Variants in HDAC6 observed in about 807,000 individuals in gnomAD.
HDAC6 encodes histone deacetylase 6.
In HDAC6, 5 loss-of-function variants were observed where a neutral mutation model predicts 88.9. The observed-to-expected ratio is 0.06, with a 90% confidence interval of 0.03 to 0.12. The LOEUF (loss-of-function observed/expected upper bound fraction) is 0.12. Among genes scored for constraint, HDAC6 ranks in the 10% least tolerant of loss-of-function variants. The pLI is 1.00. For synonymous variants in HDAC6, 378 were observed against 398.0 expected (o/e 0.95, Z 0.60); for missense variants, 706 against 1,014.4 (o/e 0.70, Z 4.13).
Position 48,803,199 on chromosome X carries a change from T to G in HDAC6, c.294T>G (p.His98Gln). 8.3e-7 allele frequency: 1 copy of G among 1,206,986 alleles called. No individual in the cohort carries two copies. Among genetic ancestry groups the G allele is most frequent in the African/African-American group, 1.7e-5 (1 of 57,578 alleles). Residue 98 changes from histidine to glutamine, a missense_variant, in exon 4 of 29, where the codon CAT becomes CAG. By Grantham distance (24) the His-to-Gln change is conservative. This residue lies in a region of HDAC6 where 193 missense variants were observed against 258.2 expected (regional missense o/e 0.75). Transcript: ENST00000334136. The part of the protein sequence containing the change: ...LVLDEQLNEF[H>Q]CLWDDSFPEG... ...TGGATGAGCAGTTAAATGAATTCCA[T>G]TGCCTCTGGGATGACAGGTGAGGCT...
At position 48,822,952 on chromosome X, in the gene HDAC6, C is replaced by A; in HGVS notation, c.2553C>A (p.Val851=). The A allele has an allele frequency of 8.3e-7, 1 of 1,202,652 alleles. No individual in the cohort carries two copies. Among genetic ancestry groups the A allele is most frequent in the South Asian group, 1.8e-5 (1 of 55,531 alleles). Residue 851 remains valine, a synonymous_variant, in exon 25 of 29, where the codon GTC becomes GTA. Coordinates refer to ENST00000334136, the MANE Select transcript of HDAC6 (RefSeq NM_006044.4). Reference sequence around the variant, plus strand: ...AAGGACCCTCCAGTTCTAAGTTGGTCACCAAGAAGGCACCCCAACCAGCCA... The same window carrying A: ...AAGGACCCTCCAGTTCTAAGTTGGTAACCAAGAAGGCACCCCAACCAGCCA... ...DREGPSSSKL[V]TKKAPQPAKP...
intron 4 of HDAC6, among the ~76,000 whole-genome samples, chrX:48,804,687 G>A (rs1298965190): frequency 1.8e-5 from 2 of 112,090 alleles, no homozygotes; most frequent in Non-Finnish European, 3.8e-5. Flanking sequence ...GTGTCTTCAG[G>A]GTAAAGGGGG....
chrX:48,816,528 G>A lies in HDAC6; in HGVS notation c.1686G>A (p.Glu562=). Residue 562 remains glutamate (E), a synonymous_variant, in exon 19 of 29, where the codon GAG becomes GAA. Transcript: ENST00000334136. ...TGAAAACCCGGGAGCTGCACCGTGA[G>A]AGTTCCAACTTTGACTCCATCTATA... ...EKMKTRELHR[E]SSNFDSIYIC... is the part of the protein sequence containing the mutation. The A allele has an allele frequency of 1.7e-6, 2 of 1,210,509 alleles. No individual in the cohort carries two copies. The highest frequency in any genetic ancestry group is 1.7e-5 in the African/African-American group (1 of 57,727).
chrX:48,820,824 T>TG (rs1557029503), intron 23 of HDAC6, among the ~76,000 whole-genome samples: 2 of 110,356 alleles, frequency 1.8e-5, no homozygotes, highest in African/African-American at 6.8e-5. Context: ...GGATCTGGTT[T>TG]TTTGTTGTTG....
chrX:48,814,882 G>A lies in HDAC6; in HGVS notation c.1048G>A (p.Gly350Arg), dbSNP rs2062957825. Residue 350 changes from glycine to arginine, a missense_variant, in exon 13 of 29, where the codon GGG becomes AGG. Transcript: ENST00000334136. Reference protein sequence around the residue: ...LVAAGFDALQGDPKGEMAATP... With the variant: ...LVAAGFDALQRDPKGEMAATP... ...GGCTGCTGGATTTGATGCCCTGCAA[G>A]GGGACCCCAAGGTAAGGCAGGCTCC... is the stretch of plus-strand genomic sequence containing the variant. 1 of 1,209,981 alleles carries A rather than the reference G, an allele frequency of 8.3e-7. No individual in the cohort carries two copies. The highest frequency in any genetic ancestry group is 1.7e-5 in the African/African-American group (1 of 57,144).
chrX:48,805,336 G>A (rs55842933), intron 4 of HDAC6, 102 bp from the exon 5 acceptor site: 22,785 of 585,582 alleles, frequency 0.039, 396 homozygotes, highest in Non-Finnish European at 0.05. Context: ...CACAGTTTTG[G>A]GGTAAGCAGC....
chrX:48,823,588 G>A lies in HDAC6; in HGVS notation c.3189G>A (p.Gln1063=), dbSNP rs2063120077. Residue 1063 remains glutamine (Q), a splice_region_variant and synonymous_variant, in exon 25 of 29, where the codon CAG becomes CAA. Transcript: ENST00000334136. ...LRTLELGSES[Q]GASESQAPGE... ...CCTTGGAGCTAGGCAGCGAATCTCAGGTAAGGCTCACCACACCCAGGTAGG... is the reference window on the plus strand; with the variant it reads ...CCTTGGAGCTAGGCAGCGAATCTCAAGTAAGGCTCACCACACCCAGGTAGG... 1 of 1,204,594 alleles carries A rather than the reference G, an allele frequency of 8.3e-7. No homozygotes were observed. The highest frequency in any genetic ancestry group is 1.8e-5 in the African/African-American group (1 of 56,986).
At chrX:48,801,507 G>A (rs1266970866), upstream of HDAC6, 3 of 168,983 alleles carry the variant, frequency 1.8e-5, no homozygotes, top group African/African-American at 3.2e-5. Context: ...GCTCCTAAGT[G>A]ACTGGACAGG....
At position 48,824,267 on chromosome X, in the gene HDAC6, C is replaced by T. The variant is rs1264877218; in HGVS notation, c.3552C>T (p.Tyr1184=). 2.5e-6 allele frequency: 3 copies of T among 1,211,091 alleles called. No homozygotes were observed. Among genetic ancestry groups the T allele is most frequent in the Non-Finnish European group, 3.4e-6 (3 of 895,056 alleles). ...LSYIDLSAWC[Y]YCQAYVHHQA... Reference sequence around the variant, plus strand: ...ACATCGACCTGTCAGCCTGGTGTTACTACTGTCAGGCCTATGTCCACCACC... The same window carrying T: ...ACATCGACCTGTCAGCCTGGTGTTATTACTGTCAGGCCTATGTCCACCACC... Residue 1184 remains tyrosine, a synonymous_variant, in exon 28 of 29, where the codon TAC becomes TAT. Transcript: ENST00000334136.
intron 10 of HDAC6, among the ~76,000 whole-genome samples, chrX:48,812,251 TAAAC>T (rs1374616543): frequency 8.9e-6 from 1 of 112,569 alleles, no homozygotes; most frequent in East Asian, 2.7e-4. Context: ...CAAACGTGTG[TAAAC>T]AAACAAACAA....
At chrX:48,801,833 C>T, upstream of HDAC6, 1 of 970,153 alleles carries the variant, frequency 1.0e-6, no homozygotes, top group Non-Finnish European at 1.3e-6. Context: ...AGAGACGAGG[C>T]CCAATGGAAA....
Position 48,806,423 on chromosome X carries a change from C to T in HDAC6, c.493C>T (p.Arg165Cys), listed in dbSNP as rs782334928. The change falls in exon 7 of 29, where the codon CGT becomes TGT. Residue 165 changes from arginine (R) to cysteine (C), a missense_variant. Coordinates refer to ENST00000334136, the MANE Select transcript of HDAC6 (RefSeq NM_006044.4). ...TTQYMNEGEL[R>C]VLADTYDSVY... is the part of the protein sequence containing the mutation. Reference sequence around the variant, plus strand: ...CCAGTACATGAATGAGGGAGAACTCCGTGTCCTAGCAGACACCTACGACTC... The same window carrying T: ...CCAGTACATGAATGAGGGAGAACTCTGTGTCCTAGCAGACACCTACGACTC... 54 of 1,195,889 alleles carry T rather than the reference C, an allele frequency of 4.5e-5. No individual in the cohort carries two copies. The highest frequency in any genetic ancestry group is 5.8e-5 in the Non-Finnish European group (51 of 882,082).
Position 48,824,199 on chromosome X carries a change from C to G in HDAC6, c.3484C>G (p.Leu1162Val), listed in dbSNP as rs1557031549. ...TGGTCGTTACATCAATGGCCACATG[C>G]TCCAACACCATGGAAATTCTGGACA... ...YCGRYINGHM[L>V]QHHGNSGHPL... Residue 1162 changes from leucine (L) to valine (V), a missense_variant, in exon 28 of 29, where the codon CTC becomes GTC. By Grantham distance (32) the Leu-to-Val change is conservative (BLOSUM62 1). Transcript: ENST00000334136. 8.3e-7 allele frequency: 1 copy of G among 1,211,068 alleles called. No individual in the cohort carries two copies. The highest frequency in any genetic ancestry group is 1.8e-5 in the South Asian group (1 of 56,891).
intron 10 of HDAC6, 113 bp from the exon 11 acceptor site, chrX:48,814,327 C>T: frequency 8.5e-6 from 6 of 707,127 alleles, no homozygotes; most frequent in Admixed American, 3.0e-5. Context: ...AGAGAATGAA[C>T]GAGTGGTTGA....
rs1284819116 is a variant in HDAC6, at chrX:48,803,133, G to A, written c.228G>A (p.Leu76=). 1.6e-5 allele frequency: 19 copies of A among 1,206,872 alleles called. No individual in the cohort carries two copies. Among genetic ancestry groups the A allele is most frequent in the Non-Finnish European group, 2.0e-5 (18 of 893,444 alleles). The part of the protein sequence containing the change: ...DLIVGLQGMD[L]NLEAEALAGT... ...CTTTTTTTTTTCCTCTGCAGGATCT[G>A]AACCTTGAGGCTGAAGCACTGGCTG... The change falls in exon 4 of 29, where the codon CTG becomes CTA. Residue 76 remains leucine (L), a synonymous_variant. Coordinates refer to ENST00000334136, the MANE Select transcript of HDAC6 (RefSeq NM_006044.4).
chrX:48,802,829 T>G, intron 2 of HDAC6, 42 bp from the exon 3 acceptor site: 1 of 1,207,697 alleles, frequency 8.3e-7, no homozygotes, highest in Non-Finnish European at 1.1e-6. Flanking sequence ...AGGGAGCAAG[T>G]TGGTCATGCC....
At chrX:48,824,428 G>A in intron 28 of HDAC6, 116 bp from the exon 29 acceptor site, 1 of 1,073,794 alleles carries the variant, frequency 9.3e-7, no homozygotes, top group Non-Finnish European at 1.3e-6. Flanking sequence ...TGGGGCGGGG[G>A]CTGTGGGATA....
chrX:48,820,378 C>A, intron 23 of HDAC6, 123 bp downstream of exon 23: 1 of 584,841 alleles, frequency 1.7e-6, no homozygotes, highest in Non-Finnish European at 2.6e-6. Context: ...TTGGCACATA[C>A]TGGGTAGTAA....
At chrX:48,804,004 A>G (rs1416193644) in intron 4 of HDAC6, among the ~76,000 whole-genome samples, 1 of 111,570 alleles carries the variant, frequency 9.0e-6, no homozygotes, top group South Asian at 3.7e-4. Context: ...CTCTACTAAA[A>G]ATACAAAAAT....
Sources: allele counts gnomAD v4.1 joint callset (sites outside exome capture counted in the v4.1 genomes callset), GRCh38; gene constraint gnomAD v4.1.1; regional missense constraint gnomAD v4.1.1; transcripts MANE v1.5; gene names NCBI Gene and HGNC (gene_info 2026-07-23, HGNC 2026-07-21).